Variants in NOL4 observed in about 807,000 individuals in gnomAD.
NOL4 encodes the protein cancer/testis antigen 125.
Under a neutral mutation model 75.9 loss-of-function variants are expected in NOL4, and 17 were observed. The ratio of observed to expected loss-of-function variants is 0.22; its 90% confidence interval spans 0.15 to 0.34. The LOEUF (loss-of-function observed/expected upper bound fraction) is 0.34. Among genes scored for constraint, NOL4 ranks in the 10% least tolerant of loss-of-function variants. The pLI is 1.00. For missense variants in NOL4, 614 were observed against 793.5 expected, an observed-to-expected ratio of 0.77 and a Z score of 2.72; for synonymous variants, 292 against 289.9, an observed-to-expected ratio of 1.01 and a Z score of -0.07.
intron 6 of NOL4, among the ~76,000 whole-genome samples, chr18:33,980,483 G>A (rs950315918): frequency 6.6e-6 from 1 of 152,090 alleles, no homozygotes; most frequent in Non-Finnish European, 1.5e-5. Context: ...GTTATTAAGA[G>A]AAATTATTTT....
At chr18:34,074,562 A>G (rs986512534) in intron 5 of NOL4, among the ~76,000 whole-genome samples, 3 of 152,036 alleles carry the variant, frequency 2.0e-5, no homozygotes, top group African/African-American at 7.2e-5. Flanking sequence ...ATCACAAATC[A>G]TGAAACTAAT....
intron 5 of NOL4, among the ~76,000 whole-genome samples, chr18:34,031,820 G>C (rs970575490): frequency 1.3e-5 from 2 of 152,132 alleles, no homozygotes; most frequent in African/African-American, 4.8e-5. Flanking sequence ...CATGGAGTGT[G>C]GCAATCCAAG....
intron 5 of NOL4, among the ~76,000 whole-genome samples, chr18:34,067,833 T>C (rs1408115652): frequency 6.6e-6 from 1 of 152,054 alleles, no homozygotes; most frequent in Non-Finnish European, 1.5e-5. Context: ...GCCTGAATGG[T>C]ACTGTCAAAT....
chr18:33,853,436 C>T (rs183695741), intron 10 of NOL4, among the ~76,000 whole-genome samples: 421 of 151,804 alleles, frequency 2.8e-3, no homozygotes, highest in Non-Finnish European at 5.1e-3. Context: ...TATCTTAGAC[C>T]GCATCAATTT....
chr18:34,100,446 GT>G (rs894355188), intron 4 of NOL4, among the ~76,000 whole-genome samples: 2 of 152,036 alleles, frequency 1.3e-5, no homozygotes, highest in African/African-American at 4.8e-5. Context: ...AACTGCTCTT[GT>G]AAAGAACACC....
intron 5 of NOL4, among the ~76,000 whole-genome samples, chr18:34,079,378 C>A (rs1330170579): frequency 1.3e-5 from 2 of 151,910 alleles, no homozygotes; most frequent in Admixed American, 1.3e-4. Flanking sequence ...TCCCAGTTCA[C>A]CAAACCTCCC....
At position 33,926,444 on chromosome 18, in the gene NOL4, C is replaced by T. The variant is rs1192119757; in HGVS notation, c.1542+16621G>A. Among the ~76,000 whole-genome samples the T allele has an allele frequency of 5.3e-5, 8 of 149,624 alleles. No individual in the cohort carries two copies. In the East Asian group the frequency reaches 1.2e-3, roughly 23 times the overall value. On this transcript the variant is annotated intron_variant, in intron 9 of 10. Coordinates refer to ENST00000261592, the MANE Select transcript of NOL4 (RefSeq NM_003787.5). ...TGTTATTTAAAGTCCTAAATCAAGG[C>T]TACCTTTTTCCTCTGCCTTCTTAGA...
intron 9 of NOL4, among the ~76,000 whole-genome samples, chr18:33,912,927 T>C (rs1293530976): frequency 2.0e-5 from 3 of 152,120 alleles, no homozygotes; most frequent in Non-Finnish European, 4.4e-5. Context: ...CAGATATTCT[T>C]TCTCTACTAT....
intron 5 of NOL4, among the ~76,000 whole-genome samples, chr18:34,083,248 A>C (rs1328292808): frequency 6.6e-6 from 1 of 152,166 alleles, no homozygotes; most frequent in Non-Finnish European, 1.5e-5. Flanking sequence ...GTGAGCTTTC[A>C]TGTTGACTAT....
intron 2 of NOL4, among the ~76,000 whole-genome samples, chr18:34,125,216 T>C (rs1032487706): frequency 2.0e-5 from 3 of 152,136 alleles, no homozygotes; most frequent in African/African-American, 7.2e-5. Context: ...AGAAGGAAAA[T>C]GTGCTTGAGA....
chr18:34,017,054 T>C (rs558408203), intron 6 of NOL4, among the ~76,000 whole-genome samples: 3 of 152,230 alleles, frequency 2.0e-5, no homozygotes, highest in East Asian at 1.9e-4. Context: ...AGGCCCTTCA[T>C]AGTGTCTAGC....
intron 5 of NOL4, among the ~76,000 whole-genome samples, chr18:34,053,841 A>G (rs887625493): frequency 2.6e-5 from 4 of 151,992 alleles, no homozygotes; most frequent in Non-Finnish European, 5.9e-5. Flanking sequence ...AATATATCCA[A>G]TTGATTCTTT....
At chr18:34,180,699 T>C (rs552525141) in intron 1 of NOL4, among the ~76,000 whole-genome samples, 1 of 151,626 alleles carries the variant, frequency 6.6e-6, no homozygotes, top group East Asian at 1.9e-4. Context: ...TGATCTTGTA[T>C]AGAGAAAATC....
Position 34,129,897 on chromosome 18 carries a change from C to A in NOL4, c.388G>T (p.Ala130Ser). ...GPNGEQIRKH[A>S]GQKRTYKAIS... ...GCTTTGTAAGTTCTCTTTTGTCCAG[C>A]GTGTTTCCGAATTTGTTCTCCATTT... The change falls in exon 2 of 11, where the codon GCT (alanine) becomes TCT (serine). Residue 130 changes from alanine to serine, a missense_variant. By Grantham distance (99) the Ala-to-Ser change is moderately conservative. This residue lies in a region of NOL4 where 135 missense variants were observed against 220.4 expected (regional missense o/e 0.61). Coordinates refer to ENST00000261592, the MANE Select transcript of NOL4 (RefSeq NM_003787.5). 2 of 1,585,816 alleles carry A rather than the reference C, an allele frequency of 1.3e-6. No homozygotes were observed. The highest frequency in any genetic ancestry group is 1.7e-6 in the Non-Finnish European group (2 of 1,165,658).
intron 5 of NOL4, among the ~76,000 whole-genome samples, chr18:34,025,332 C>T (rs2075288827): frequency 6.6e-6 from 1 of 152,032 alleles, no homozygotes; most frequent in African/African-American, 2.4e-5. Flanking sequence ...TTAACAAACC[C>T]CTGGAAGAAA....
chr18:34,057,131 T>C (rs1225204563), intron 5 of NOL4, among the ~76,000 whole-genome samples: 1 of 152,126 alleles, frequency 6.6e-6, no homozygotes, highest in African/African-American at 2.4e-5. Flanking sequence ...ATATTAATCA[T>C]CACCTTAAAG....
At chr18:34,026,440 C>T (rs1048715584) in intron 5 of NOL4, among the ~76,000 whole-genome samples, 1 of 152,186 alleles carries the variant, frequency 6.6e-6, no homozygotes, top group African/African-American at 2.4e-5. Flanking sequence ...TATTCCCTGG[C>T]CCTTCCACTG....
chr18:34,155,723 C>T (rs1463328152), intron 1 of NOL4, among the ~76,000 whole-genome samples: 1 of 151,992 alleles, frequency 6.6e-6, no homozygotes, highest in Non-Finnish European at 1.5e-5. Context: ...CACTACTCAT[C>T]CTTGACCAAA....
chr18:33,973,695 AG>A (rs2071261323), intron 6 of NOL4, among the ~76,000 whole-genome samples: 1 of 152,216 alleles, frequency 6.6e-6, no homozygotes, highest in Non-Finnish European at 1.5e-5. Flanking sequence ...TATCTCCATC[AG>A]AGCTCTTGGG....
Sources: allele counts gnomAD v4.1 joint callset (sites outside exome capture counted in the v4.1 genomes callset), GRCh38; gene constraint gnomAD v4.1.1; regional missense constraint gnomAD v4.1.1; transcripts MANE v1.5; gene names NCBI Gene and HGNC (gene_info 2026-07-23, HGNC 2026-07-21).